The following NLRP1 variants were observed in gnomAD, a reference collection of about 807,000 sequenced individuals.
NLRP1 encodes the protein NACHT, LRR and PYD domains-containing protein 1.
NLRP1 carries 94 observed loss-of-function variants against 136.7 expected under a neutral mutation model. The observed-to-expected ratio is 0.69, with a 90% CI of 0.58 to 0.82. NLRP1 has a LOEUF of 0.82. Ranked by LOEUF, NLRP1 falls within the 40% of genes least tolerant of loss-of-function variation. The pLI is 0.00. For missense variants in NLRP1, 1,575 were observed against 1,802.7 expected (o/e 0.87, Z 2.29); for synonymous variants, 690 against 725.1 (o/e 0.95, Z 0.78).
At chr17:5,511,825 TTTC>T (rs1173756265), downstream of NLRP1, among the ~76,000 whole-genome samples, 2 of 151,752 alleles carry the variant, frequency 1.3e-5, no homozygotes, top group Admixed American at 1.3e-4. Context: ...CCTTCCTCTT[TTTC>T]TTCATTCCTT....
At chr17:5,502,056 G>T (rs545808189) in intron 15 of NLRP1, 116 of 584,518 alleles carry the variant, frequency 2.0e-4, no homozygotes, top group African/African-American at 1.9e-3. Flanking sequence ...CTGTAACCAG[G>T]GTGCTGTTCC....
intron 12 of NLRP1, among the ~76,000 whole-genome samples, chr17:5,528,128 G>C (rs1321320346): frequency 6.6e-6 from 1 of 152,200 alleles, no homozygotes; most frequent in Non-Finnish European, 1.5e-5. Flanking sequence ...TTTTGCTGCT[G>C]GTCATGGGCA....
rs115510388 is a variant in NLRP1, at chr17:5,538,836, C to T, written c.2870+579G>A. Reference sequence around the variant, plus strand: ...GTAATAGTTATCATTTGATCATGCCCGACTCTCTTCCCAGCACTGTCCTTG... The same window carrying T: ...GTAATAGTTATCATTTGATCATGCCTGACTCTCTTCCCAGCACTGTCCTTG... On this transcript the variant is annotated intron_variant, in intron 7 of 16. Coordinates refer to ENST00000572272, the MANE Select transcript of NLRP1 (RefSeq NM_033004.4). Among the ~76,000 whole-genome samples the T allele has an allele frequency of 4.9e-3, 743 of 152,140 alleles. 7 individuals carry two copies. The highest frequency in any genetic ancestry group is 0.017 in the African/African-American group (686 of 41,496).
chr17:5,545,921 C>T (rs560885762), intron 5 of NLRP1, among the ~76,000 whole-genome samples: 2 of 152,344 alleles, frequency 1.3e-5, no homozygotes, highest in South Asian at 4.1e-4. Context: ...ACAAATGTGC[C>T]TCTCTTGGGG....
intron 12 of NLRP1, among the ~76,000 whole-genome samples, chr17:5,522,106 T>C (rs1908985477): frequency 6.6e-6 from 1 of 152,250 alleles, no homozygotes. Context: ...ATTACAGGCG[T>C]GAGCCGCTGC....
intron 15 of NLRP1, chr17:5,501,930 G>A (rs964511983): frequency 6.8e-7 from 1 of 1,475,132 alleles, no homozygotes. Context: ...GATTGGAGAG[G>A]TCCACTGGCC....
chr17:5,507,894 G>A (rs1007342723), intron 15 of NLRP1, among the ~76,000 whole-genome samples: 5 of 152,084 alleles, frequency 3.3e-5, no homozygotes, highest in African/African-American at 9.7e-5. Flanking sequence ...CCAGCACTTC[G>A]GGAGGCTTAG....
rs902324390 is a variant in NLRP1, at chr17:5,517,821, A to G, written c.3982T>C (p.Leu1328=). ...ACTTGCAGCCTGATCCCTGATCCCA[A>G]GTGGCCAACGTAGAACTCCGAGAAC... ...QLFSEFYVGH[L]GSGIRLQVKD... Residue 1328 remains leucine (L), a synonymous_variant, in exon 15 of 17, where the codon TTG becomes CTG. Coordinates refer to ENST00000572272, the MANE Select transcript of NLRP1 (RefSeq NM_033004.4). 6.2e-7 allele frequency: 1 copy of G among 1,614,044 alleles called. No individual in the cohort carries two copies. Among genetic ancestry groups the G allele is most frequent in the African/African-American group, 1.3e-5 (1 of 74,916 alleles).
chr17:5,510,999 G>A (rs1907595205), downstream of NLRP1, among the ~76,000 whole-genome samples: 1 of 152,050 alleles, frequency 6.6e-6, no homozygotes, highest in African/African-American at 2.4e-5. Context: ...TCAAACAACC[G>A]TTTGACGCAA....
chr17:5,517,601 T>C (rs1368904367), intron 15 of NLRP1, 145 bp downstream of exon 15: 2 of 872,858 alleles, frequency 2.3e-6, no homozygotes, highest in African/African-American at 3.4e-5. Flanking sequence ...TTGGCCAGGC[T>C]GGTCTTGAAC....
At position 5,534,077 on chromosome 17, in the gene NLRP1, T is replaced by A. The variant is rs1293265833; in HGVS notation, c.2961-89A>T. 9.9e-6 allele frequency: 9 copies of A among 912,802 alleles called. No homozygotes were observed. The East Asian group carries it at 2.2e-4, about 22-fold the overall frequency. 56.5% of individuals were successfully genotyped at this position (912,802 alleles called of 1,614,324 possible). On this transcript the variant is annotated intron_variant, in intron 8 of 16. Transcript: ENST00000572272. ...TTCCCACTAAAAATTCAACTCCTCC[T>A]CGGGTCGGGTGCAGTGGCTCATGTC...
chr17:5,573,539 C>T (rs373063280), intron 3 of NLRP1, among the ~76,000 whole-genome samples: 2 of 152,178 alleles, frequency 1.3e-5, no homozygotes, highest in East Asian at 1.9e-4. Flanking sequence ...CCCTGACCCC[C>T]GAGTAGCCTA....
chr17:5,533,236 C>A (rs1910549279), intron 10 of NLRP1, 68 bp downstream of exon 10: 2 of 1,549,062 alleles, frequency 1.3e-6, no homozygotes, highest in East Asian at 2.4e-5. Flanking sequence ...CCCCAGCATG[C>A]CCAGGTGGGC....
chr17:5,553,873 A>T (rs78957319), intron 4 of NLRP1, among the ~76,000 whole-genome samples: 9,412 of 143,420 alleles, frequency 0.066, 389 homozygotes, highest in African/African-American at 0.11. Context: ...TTTTTTTTTT[A>T]AATCTGCACT....
intron 14 of NLRP1, among the ~76,000 whole-genome samples, chr17:5,519,508 G>A (rs57181391): frequency 7.8e-4 from 116 of 148,280 alleles, no homozygotes; most frequent in Middle Eastern, 3.8e-3. Flanking sequence ...TGCAGGGGGG[G>A]TGATCTTGGC....
At chr17:5,531,456 T>A (rs1910262239) in intron 11 of NLRP1, among the ~76,000 whole-genome samples, 1 of 152,192 alleles carries the variant, frequency 6.6e-6, no homozygotes, top group Non-Finnish European at 1.5e-5. Flanking sequence ...TGGACTCAAG[T>A]GATCCTCCTG....
intron 3 of NLRP1, among the ~76,000 whole-genome samples, chr17:5,580,617 G>T (rs961826): frequency 0.45 from 68,360 of 151,992 alleles, 15,648 homozygotes; most frequent in Non-Finnish European, 0.47. Flanking sequence ...TAGCAATGAG[G>T]TAGTCTTTGT....
At chr17:5,557,264 CA>C (rs1368843044) in intron 4 of NLRP1, among the ~76,000 whole-genome samples, 1 of 152,072 alleles carries the variant, frequency 6.6e-6, no homozygotes, top group Non-Finnish European at 1.5e-5. Flanking sequence ...TTCAGCCTCC[CA>C]AAGTACTGGA....
intron 12 of NLRP1, among the ~76,000 whole-genome samples, chr17:5,527,591 A>G (rs1334423810): frequency 6.6e-6 from 1 of 152,216 alleles, no homozygotes; most frequent in Non-Finnish European, 1.5e-5. Flanking sequence ...ACACCAAGGG[A>G]AAACTGTAGT....
Sources: gnomAD v4.1 joint callset for allele counts (sites outside exome capture counted in the v4.1 genomes callset) on GRCh38, gnomAD v4.1.1 for gene constraint, MANE v1.5 for transcripts, NCBI Gene and HGNC (gene_info 2026-07-23, HGNC 2026-07-21) for gene names.